Variants in ZFR observed in about 807,000 individuals in gnomAD.
ZFR encodes zinc finger RNA binding protein, also known as zinc finger RNA-binding protein.
In ZFR, 19 loss-of-function variants were observed where a neutral mutation model predicts 130.7. The ratio of observed to expected loss-of-function variants is 0.15; its 90% CI spans 0.10 to 0.21. The LOEUF is 0.21. Among genes scored for constraint, ZFR ranks in the 10% least tolerant of loss-of-function variants. The pLI, the probability that ZFR is intolerant of heterozygous loss-of-function variation, is 1.00. For missense variants in ZFR, 872 were observed against 1,321.5 expected, an observed-to-expected ratio of 0.66 and a Z score of 5.27; for synonymous variants, 466 against 456.9, an observed-to-expected ratio of 1.02 and a Z score of -0.25.
chr5:32,443,907 G>GGTGGCGGCTCCGC lies in ZFR; in HGVS notation c.137+309_137+321dup, dbSNP rs1425520946. Among the ~76,000 whole-genome samples the GGTGGCGGCTCCGC allele has an allele frequency of 2.0e-5, 3 of 152,220 alleles. No homozygotes were observed. The East Asian group carries it at 5.8e-4, about 29-fold the overall frequency. On this transcript the variant is annotated intron_variant, in intron 2 of 19. Coordinates refer to ENST00000265069, the MANE Select transcript of ZFR (RefSeq NM_016107.5). ...GGGACTGGGGGGCCTGCCGGGCGGC[G>GGTGGCGGCTCCGC]GTGGCGGCTCCGCTCGGCGGCCGCA...
At chr5:32,413,373 A>G (rs1753753637) in intron 5 of ZFR, among the ~76,000 whole-genome samples, 1 of 152,230 alleles carries the variant, frequency 6.6e-6, no homozygotes, top group African/African-American at 2.4e-5. Flanking sequence ...ATGCATTTTT[A>G]TAAACCGTAT....
At chr5:32,411,344 G>A (rs550021185) in intron 5 of ZFR, among the ~76,000 whole-genome samples, 13 of 152,126 alleles carry the variant, frequency 8.5e-5, no homozygotes, top group East Asian at 5.8e-4. Context: ...TAATATAGTC[G>A]CTCTCTGTAT....
chr5:32,373,194 A>T (rs1341098436), intron 17 of ZFR, among the ~76,000 whole-genome samples: 1 of 152,180 alleles, frequency 6.6e-6, no homozygotes, highest in Non-Finnish European at 1.5e-5. Context: ...GGAGTTCAAG[A>T]CCAGCCTGGC....
At chr5:32,389,776 CTA>C (rs1467736809) in intron 12 of ZFR, among the ~76,000 whole-genome samples, 4 of 152,314 alleles carry the variant, frequency 2.6e-5, no homozygotes, top group East Asian at 1.9e-4. Flanking sequence ...CCCAGAAATT[CTA>C]TGAGGTCCTT....
chr5:32,414,963 T>C lies in ZFR; in HGVS notation c.784+6A>G, dbSNP rs771992218. 29 of 1,610,858 alleles carry C rather than the reference T, an allele frequency of 1.8e-5. No homozygotes were observed. Among genetic ancestry groups the C allele is most frequent in the Admixed American group, 1.2e-4 (7 of 59,936 alleles). ...TACTCATTTAAACACAGTTTATCAGTCTTACCAGAATATGTAACTGCTGTG... is the reference window on the plus strand; with the variant it reads ...TACTCATTTAAACACAGTTTATCAGCCTTACCAGAATATGTAACTGCTGTG... On this transcript the variant is annotated splice_donor_region_variant and intron_variant, in intron 5 of 19. Transcript: ENST00000265069.
chr5:32,387,848 ATACTT>A, intron 13 of ZFR, 149 bp from the exon 14 acceptor site: 1 of 719,666 alleles, frequency 1.4e-6, no homozygotes, highest in Non-Finnish European at 2.1e-6. Flanking sequence ...TTTTAGAACT[ATACTT>A]CATTTAAGCA....
chr5:32,385,562 C>T lies in ZFR; in HGVS notation c.2587G>A (p.Val863Ile), dbSNP rs1174741017. The T allele has an allele frequency of 2.5e-6, 4 of 1,613,478 alleles. No individual in the cohort carries two copies. The highest frequency in any genetic ancestry group is 3.4e-6 in the Non-Finnish European group (4 of 1,179,540). Reference protein sequence around the residue: ...LNSCVEPKMQVTITLTSPIIR... With the variant: ...LNSCVEPKMQITITLTSPIIR... ...ATTGGAGATGTCAGTGTGATAGTGA[C>T]TTGCATTTTGGGTTCCACACATGAA... The change falls in exon 15 of 20, where the codon GTC becomes ATC. Residue 863 changes from valine to isoleucine, a missense_variant. Val to Ile is a conservative substitution (Grantham distance 29). This residue lies in a region of ZFR where 225 missense variants were observed against 282.4 expected (regional missense o/e 0.80). Coordinates refer to ENST00000265069, the MANE Select transcript of ZFR (RefSeq NM_016107.5).
intron 2 of ZFR, among the ~76,000 whole-genome samples, chr5:32,435,076 G>T (rs1354289741): frequency 6.6e-6 from 1 of 152,042 alleles, no homozygotes; most frequent in East Asian, 1.9e-4. Flanking sequence ...ATACCATGAT[G>T]GGGGGTTAAT....
At chr5:32,438,280 T>TTTTTTTA (rs1754387350) in intron 2 of ZFR, among the ~76,000 whole-genome samples, 1 of 130,292 alleles carries the variant, frequency 7.7e-6, no homozygotes, top group Non-Finnish European at 1.6e-5. Context: ...TTTTTTTTTT[T>TTTTTTTA]GAGACGGAGT....
At chr5:32,356,760 T>A (rs1752323248) in intron 19 of ZFR, among the ~76,000 whole-genome samples, 1 of 152,144 alleles carries the variant, frequency 6.6e-6, no homozygotes, top group Admixed American at 6.6e-5. Flanking sequence ...ATGCTTGTTT[T>A]AAGATGTTTC....
chr5:32,415,266 A>G (rs1366499537), intron 4 of ZFR, 79 bp from the exon 5 acceptor site: 5 of 1,279,196 alleles, frequency 3.9e-6, no homozygotes, highest in East Asian at 2.3e-5. Flanking sequence ...AAAAAGCTGG[A>G]AAGAATAGGT....
At chr5:32,390,137 A>C (rs1753132068) in intron 12 of ZFR, 138 bp downstream of exon 12, 1 of 1,158,904 alleles carries the variant, frequency 8.6e-7, no homozygotes, top group Non-Finnish European at 1.2e-6. Context: ...CCTGGGCGAC[A>C]GAGCAAGACT....
intron 9 of ZFR, 117 bp downstream of exon 9, chr5:32,399,890 A>C: frequency 1.1e-6 from 1 of 940,962 alleles, no homozygotes; most frequent in East Asian, 2.9e-5. Context: ...AATATTCTTT[A>C]AGTAAGCTAA....
chr5:32,430,190 G>A (rs1436308558), intron 2 of ZFR, among the ~76,000 whole-genome samples: 1 of 151,154 alleles, frequency 6.6e-6, no homozygotes, highest in African/African-American at 2.4e-5. Flanking sequence ...ACAGGCATTA[G>A]AATTATTGGA....
chr5:32,415,117 G>T lies in ZFR; in HGVS notation c.636C>A (p.Ala212=). 6.2e-7 allele frequency: 1 copy of T among 1,614,070 alleles called. No individual in the cohort carries two copies. The highest frequency in any genetic ancestry group is 1.1e-5 in the South Asian group (1 of 91,064). Residue 212 remains alanine (A), a synonymous_variant, in exon 5 of 20, where the codon GCC becomes GCA. Transcript: ENST00000265069. ...CTGGACTTGGTGTGGCTGGTTTTAT[G>T]GCTGTCACTTGTCGAGTTTGCTGGG... ...TQAQQTRQVT[A]IKPATPSPAT...
chr5:32,403,890 G>A lies in ZFR; in HGVS notation c.1224+16C>T. 1 of 1,556,702 alleles carries A rather than the reference G, an allele frequency of 6.4e-7. No homozygotes were observed. The highest frequency in any genetic ancestry group is 8.7e-7 in the Non-Finnish European group (1 of 1,149,084). On this transcript the variant is annotated intron_variant, in intron 7 of 19. Coordinates refer to ENST00000265069, the MANE Select transcript of ZFR (RefSeq NM_016107.5). ...CAGAATCAAGGCATAAGGGTGTGTG[G>A]GAAAAAAACACCTACTTTCTGATGC...
intron 6 of ZFR, among the ~76,000 whole-genome samples, chr5:32,404,884 T>C (rs550091886): frequency 6.6e-6 from 1 of 152,180 alleles, no homozygotes; most frequent in African/African-American, 2.4e-5. Flanking sequence ...TGGCACAATC[T>C]TGGGTCACCG....
intron 3 of ZFR, 124 bp downstream of exon 3, chr5:32,419,697 C>T (rs1753909604): frequency 4.8e-6 from 7 of 1,445,506 alleles, no homozygotes; most frequent in Non-Finnish European, 5.5e-6. Flanking sequence ...ATTTACTTTT[C>T]TCTATCAGTA....
chr5:32,392,261 T>C (rs534857009), intron 11 of ZFR, among the ~76,000 whole-genome samples: 1 of 148,960 alleles, frequency 6.7e-6, no homozygotes, highest in Non-Finnish European at 1.5e-5. Context: ...CCTAATACAG[T>C]TCCTGGCACA....
Sources: allele counts gnomAD v4.1 joint callset (sites outside exome capture counted in the v4.1 genomes callset), GRCh38; gene constraint gnomAD v4.1.1; regional missense constraint gnomAD v4.1.1; transcripts MANE v1.5; gene names NCBI Gene and HGNC (gene_info 2026-07-23, HGNC 2026-07-21).